The following LOXHD1 variants were observed in gnomAD, a reference collection of about 807,000 sequenced individuals.
The protein encoded by LOXHD1 is lipoxygenase homology PLAT domains 1.
A neutral mutation model predicts 248.2 loss-of-function variants in LOXHD1; 205 were observed. The ratio of observed to expected loss-of-function variants is 0.83; its 90% confidence interval spans 0.74 to 0.93. The LOEUF (loss-of-function observed/expected upper bound fraction) is 0.93. Among genes scored for constraint, LOXHD1 ranks in the 40% least tolerant of loss-of-function variants. The pLI is 0.00. For missense variants in LOXHD1, 2,930 were observed against 2,971.6 expected (o/e 0.99, Z 0.33); for synonymous variants, 1,113 against 1,162.8 (o/e 0.96, Z 0.87).
chr18:46,641,876 T>C (rs2038966746), intron 3 of LOXHD1, 80 bp downstream of exon 3: 1 of 1,364,766 alleles, frequency 7.3e-7, no homozygotes, highest in Non-Finnish European at 1.0e-6. Context: ...AAGTAATTCA[T>C]ACCCAGAAAT....
intron 5 of LOXHD1, among the ~76,000 whole-genome samples, chr18:46,612,003 A>G (rs2038515518): frequency 6.6e-6 from 1 of 152,102 alleles, no homozygotes; most frequent in Non-Finnish European, 1.5e-5. Flanking sequence ...ACATACCCTT[A>G]TGCTACTTGC....
intron 34 of LOXHD1, among the ~76,000 whole-genome samples, chr18:46,515,535 G>A (rs2035204256): frequency 1.3e-5 from 2 of 152,126 alleles, no homozygotes; most frequent in Admixed American, 1.3e-4. Flanking sequence ...TTATAATGAT[G>A]TGATTTTCAA....
Position 46,479,040 on chromosome 18 carries a change from A to G in LOXHD1, c.6342-1088T>C, listed in dbSNP as rs569248110. On this transcript the variant is annotated intron_variant, in intron 40 of 40. Coordinates refer to ENST00000642948, the MANE Select transcript of LOXHD1 (RefSeq NM_001384474.1). ...CTGTCACCTGCTCTTTTCCAAGCTC[A>G]CTCCCATCTGCAGATACTCTTGCTC... Among the ~76,000 whole-genome samples, 37 of 151,010 alleles carry G rather than the reference A, an allele frequency of 2.5e-4. 1 individual carries two copies. The South Asian group carries it at 3.4e-3, about 14-fold the overall frequency.
At chr18:46,581,112 A>G (rs2037953702) in intron 12 of LOXHD1, among the ~76,000 whole-genome samples, 1 of 152,244 alleles carries the variant, frequency 6.6e-6, no homozygotes, top group Non-Finnish European at 1.5e-5. Flanking sequence ...TCTGGCTGCC[A>G]TGAAGAATTG....
At chr18:46,504,623 T>C (rs1181558163) in intron 37 of LOXHD1, among the ~76,000 whole-genome samples, 3 of 152,200 alleles carry the variant, frequency 2.0e-5, no homozygotes, top group Non-Finnish European at 2.9e-5. Context: ...ATGGAAAAAA[T>C]TTTAACTGTT....
In LOXHD1 at chr18:46,604,100, A is replaced by C. The variant is rs1377153695; in HGVS notation, c.883+6T>G. ...CCAAAAGAGCCTCCCCTTTCTTCAAATCTACCTGTGGTCTCAGCTCCGCCC... is the reference window on the plus strand; with the variant it reads ...CCAAAAGAGCCTCCCCTTTCTTCAACTCTACCTGTGGTCTCAGCTCCGCCC... On this transcript the variant is annotated splice_donor_region_variant and intron_variant, in intron 7 of 40. Coordinates refer to ENST00000642948, the MANE Select transcript of LOXHD1 (RefSeq NM_001384474.1). 1.3e-6 allele frequency: 2 copies of C among 1,551,572 alleles called. No individual in the cohort carries two copies. The highest frequency in any genetic ancestry group is 8.7e-7 in the Non-Finnish European group (1 of 1,146,972).
At chr18:46,557,771 A>G in intron 20 of LOXHD1, 1 of 1,005,956 alleles carries the variant, frequency 9.9e-7, no homozygotes, top group South Asian at 1.9e-5. Context: ...GCAGAAGAGA[A>G]GATAGGTTTG....
At chr18:46,509,146 C>T (rs1254803278) in intron 35 of LOXHD1, among the ~76,000 whole-genome samples, 1 of 152,214 alleles carries the variant, frequency 6.6e-6, no homozygotes, top group Non-Finnish European at 1.5e-5. Context: ...GCTGCTGTTG[C>T]TCCTTGAAGA....
At chr18:46,641,793 A>G (rs1408740231) in intron 3 of LOXHD1, among the ~76,000 whole-genome samples, 163 bp downstream of exon 3, 1 of 152,194 alleles carries the variant, frequency 6.6e-6, no homozygotes, top group African/African-American at 2.4e-5. Flanking sequence ...CCAGTGGGGA[A>G]GTTTAGGGCA....
intron 18 of LOXHD1, among the ~76,000 whole-genome samples, chr18:46,562,611 G>A (rs952910432): frequency 6.6e-6 from 1 of 152,168 alleles, no homozygotes; most frequent in Non-Finnish European, 1.5e-5. Flanking sequence ...TGAGAGAACT[G>A]TAGACTCAGA....
At chr18:46,572,625 A>T (rs1434918558) in intron 14 of LOXHD1, among the ~76,000 whole-genome samples, 1 of 152,154 alleles carries the variant, frequency 6.6e-6, no homozygotes, top group Non-Finnish European at 1.5e-5. Flanking sequence ...CTGTCCTGAA[A>T]GCCATCATTA....
At chr18:46,541,160 C>T (rs1568160092) in intron 25 of LOXHD1, among the ~76,000 whole-genome samples, 1 of 152,178 alleles carries the variant, frequency 6.6e-6, no homozygotes, top group African/African-American at 2.4e-5. Flanking sequence ...CTGATGATGA[C>T]AGTGGAAAGG....
At chr18:46,636,909 G>A (rs2038899889) in intron 4 of LOXHD1, among the ~76,000 whole-genome samples, 1 of 152,198 alleles carries the variant, frequency 6.6e-6, no homozygotes, top group Admixed American at 6.5e-5. Flanking sequence ...ACTTTGGGAG[G>A]CAGAGGCAGG....
chr18:46,593,903 A>G (rs2038217130), intron 9 of LOXHD1, 143 bp from the exon 10 acceptor site: 5 of 810,922 alleles, frequency 6.2e-6, no homozygotes, highest in Non-Finnish European at 9.6e-6. Flanking sequence ...GAAACCCATT[A>G]TAGCCAAATT....
At chr18:46,580,706 A>T (rs2037944807) in intron 12 of LOXHD1, among the ~76,000 whole-genome samples, 2 of 152,254 alleles carry the variant, frequency 1.3e-5, no homozygotes, top group African/African-American at 4.8e-5. Context: ...TTATATCTGT[A>T]ACTAAGATAA....
intron 40 of LOXHD1, 118 bp downstream of exon 40, chr18:46,483,469 T>C: frequency 1.6e-6 from 2 of 1,254,012 alleles, no homozygotes; most frequent in Non-Finnish European, 2.3e-6. Flanking sequence ...CTGAACAGGG[T>C]AATCTTGACC....
intron 4 of LOXHD1, among the ~76,000 whole-genome samples, chr18:46,631,126 G>A (rs2038815277): frequency 6.6e-6 from 1 of 152,132 alleles, no homozygotes; most frequent in African/African-American, 2.4e-5. Context: ...CTAAGTCCCA[G>A]TGGCCAAGGT....
intron 1 of LOXHD1, among the ~76,000 whole-genome samples, 168 bp downstream of exon 1, chr18:46,656,736 C>A (rs911412214): frequency 2.0e-5 from 3 of 152,168 alleles, no homozygotes; most frequent in African/African-American, 7.2e-5. Context: ...ACCATCCCTG[C>A]ATAATGCCTG....
At chr18:46,631,469 G>A (rs148273944) in intron 4 of LOXHD1, among the ~76,000 whole-genome samples, 2 of 152,150 alleles carry the variant, frequency 1.3e-5, no homozygotes, top group Non-Finnish European at 2.9e-5. Flanking sequence ...GTGTGGCACA[G>A]ACTTTCCTCA....
Sources: allele counts gnomAD v4.1 joint callset (sites outside exome capture counted in the v4.1 genomes callset), GRCh38; gene constraint gnomAD v4.1.1; transcripts MANE v1.5; gene names NCBI Gene and HGNC (gene_info 2026-07-23, HGNC 2026-07-21).